OVCH1: variants seen among roughly 807,000 people sequenced by gnomAD.
The protein encoded by OVCH1 is ovochymase 1, also known as ovochymase-1.
Under a neutral mutation model 138.4 loss-of-function variants are expected in OVCH1, and 139 were observed. The observed-to-expected ratio is 1.00, with a 90% CI of 0.87 to 1.16. The LOEUF is 1.16. Ranked by LOEUF, OVCH1 falls within the 50% of genes most tolerant of loss-of-function variation. OVCH1 has a pLI of 0.00. For synonymous variants in OVCH1, 453 were observed against 467.8 expected (o/e 0.97, Z 0.41); for missense variants, 1,367 against 1,357.9 (o/e 1.01, Z -0.11).
chr12:29,415,171 T>C (rs185482900), intron 3 of OVCH1, among the ~76,000 whole-genome samples: 2 of 152,316 alleles, frequency 1.3e-5, no homozygotes, highest in Admixed American at 1.3e-4. Context: ...CTTATGTTAC[T>C]GTTGGTATCA....
intron 15 of OVCH1, 60 bp downstream of exon 15, chr12:29,472,969 G>C: frequency 7.1e-7 from 1 of 1,408,078 alleles, no homozygotes; most frequent in East Asian, 2.3e-5. Context: ...TTCCAAAAGA[G>C]ACATCTAGTT....
At chr12:29,435,615 A>G (rs956684405) in intron 26 of OVCH1, among the ~76,000 whole-genome samples, 1 of 152,026 alleles carries the variant, frequency 6.6e-6, no homozygotes, top group African/African-American at 2.4e-5. Flanking sequence ...CGGCCTCCCA[A>G]AGTGCTGGGA....
At chr12:29,490,978 G>T (rs1290611602) in intron 5 of OVCH1, 119 bp downstream of exon 5, 2 of 797,468 alleles carry the variant, frequency 2.5e-6, no homozygotes, top group Admixed American at 2.7e-5. Context: ...TCTTCGTTGT[G>T]TCAGAAATTA....
intron 18 of OVCH1, among the ~76,000 whole-genome samples, chr12:29,464,055 T>C (rs1942231623): frequency 6.6e-6 from 1 of 152,180 alleles, no homozygotes; most frequent in African/African-American, 2.4e-5. Context: ...AAGAATGGTT[T>C]GTACATTTTT....
chr12:29,479,824 CT>C (rs34551074), intron 8 of OVCH1, among the ~76,000 whole-genome samples: 84 of 128,380 alleles, frequency 6.5e-4, no homozygotes, highest in African/African-American at 7.8e-4. Flanking sequence ...TCTTTTTTTT[CT>C]TTTTTTTTTT....
At chr12:29,488,468 A>C (rs1943176690) in intron 6 of OVCH1, among the ~76,000 whole-genome samples, 1 of 151,710 alleles carries the variant, frequency 6.6e-6, no homozygotes, top group South Asian at 2.1e-4. Context: ...AATACAAAAA[A>C]ATTAGCTGGG....
intron 8 of OVCH1, among the ~76,000 whole-genome samples, chr12:29,485,745 C>T (rs1943078622): frequency 6.6e-6 from 1 of 151,714 alleles, no homozygotes; most frequent in South Asian, 2.1e-4. Flanking sequence ...CACTGCACTC[C>T]AGCCTGGGGG....
At chr12:29,472,930 TG>T in intron 15 of OVCH1, 98 bp downstream of exon 15, 1 of 1,006,506 alleles carries the variant, frequency 9.9e-7, no homozygotes, top group Non-Finnish European at 1.5e-6. Context: ...TTCTTCACTG[TG>T]GAGTTATAGC....
At chr12:29,442,350 T>C (rs1317378427) in intron 25 of OVCH1, among the ~76,000 whole-genome samples, 3 of 147,176 alleles carry the variant, frequency 2.0e-5, no homozygotes, top group Admixed American at 6.8e-5. Context: ...GAAATCATCA[T>C]TCTCAGTAAA....
At chr12:29,451,495 C>T (rs764621018) in exon 22 of OVCH1, 1 of 1,613,342 alleles carries the variant, frequency 6.2e-7, no homozygotes, top group Non-Finnish European at 8.5e-7. Flanking sequence ...TCCAGTCTTC[C>T]TCTATAATCC....
downstream of OVCH1, chr12:29,423,146 C>A (rs1476376535): frequency 9.2e-6 from 4 of 435,364 alleles, no homozygotes; most frequent in Non-Finnish European, 1.8e-5. Flanking sequence ...GAAATTGGGT[C>A]TCAATATTGC....
At chr12:29,409,167 T>C (rs1192368004), downstream of OVCH1, among the ~76,000 whole-genome samples, 11 of 150,910 alleles carry the variant, frequency 7.3e-5, no homozygotes, top group Middle Eastern at 3.2e-3. Context: ...CCCTTTATCA[T>C]TTTTTATTGC....
chr12:29,428,233 T>TA (rs1270927353), intron 27 of OVCH1, among the ~76,000 whole-genome samples: 1 of 152,208 alleles, frequency 6.6e-6, no homozygotes, highest in Non-Finnish European at 1.5e-5. Flanking sequence ...GTTTTATCCT[T>TA]ACTCTAGCCA....
downstream of OVCH1, among the ~76,000 whole-genome samples, chr12:29,410,390 G>T (rs1174777752): frequency 2.0e-5 from 3 of 151,334 alleles, no homozygotes; most frequent in Non-Finnish European, 4.4e-5. Context: ...AGTTGATGCA[G>T]TTTCTTCCTA....
intron 25 of OVCH1, among the ~76,000 whole-genome samples, 23 bp downstream of exon 26, chr12:29,439,830 C>A (rs1343930192): frequency 6.6e-6 from 1 of 152,118 alleles, no homozygotes; most frequent in East Asian, 1.9e-4. Flanking sequence ...AAACAACTCA[C>A]AAAATTCAGG....
At chr12:29,418,204 C>T (rs1941057820) in intron 3 of OVCH1, among the ~76,000 whole-genome samples, 1 of 152,208 alleles carries the variant, frequency 6.6e-6, no homozygotes, top group African/African-American at 2.4e-5. Flanking sequence ...TGCATGACTA[C>T]TACATGACAG....
In OVCH1 at chr12:29,481,504, A is replaced by G. The variant is rs936641530; in HGVS notation, c.996-2596T>C. Among the ~76,000 whole-genome samples the G allele has an allele frequency of 1.6e-4, 25 of 152,172 alleles. 1 individual carries two copies. The highest frequency in any genetic ancestry group is 1.6e-3 in the Admixed American group (25 of 15,276). ...TACTTCATCTACTAAAGTTGAAGCA[A>G]TTAAAATCTCATGTGATAACTAAGA... On this transcript the variant is annotated intron_variant, in intron 8 of 27. Coordinates refer to ENST00000318184, the Ensembl canonical transcript of OVCH1.
At chr12:29,418,857 C>T (rs12318046) in intron 3 of OVCH1, among the ~76,000 whole-genome samples, 6,594 of 152,180 alleles carry the variant, frequency 0.043, 447 homozygotes, top group African/African-American at 0.14. Flanking sequence ...TTACATTTCT[C>T]TTTGTTCTTT....
chr12:29,405,641 C>T, the OVCH1 span, among the ~76,000 whole-genome samples: 1 of 152,172 alleles, frequency 6.6e-6, no homozygotes, highest in African/African-American at 2.4e-5. Context: ...ACAACAGAAA[C>T]TCCAAAAACT....
Sources: allele counts gnomAD v4.1 joint callset (sites outside exome capture counted in the v4.1 genomes callset), GRCh38; gene constraint gnomAD v4.1.1; transcripts MANE v1.5; gene names NCBI Gene and HGNC (gene_info 2026-07-23, HGNC 2026-07-21).